The following FAM120B variants were observed in gnomAD, a reference collection of about 807,000 sequenced individuals.
The protein encoded by FAM120B is family with sequence similarity 120 member B, also known as constitutive coactivator of peroxisome proliferator-activated receptor gamma.
Under a neutral mutation model 96.3 loss-of-function variants are expected in FAM120B, and 83 were observed. That is an observed-to-expected ratio of 0.86 (90% CI 0.72 to 1.03). The LOEUF is 1.03. Among genes scored for constraint, FAM120B ranks in the 50% least tolerant of loss-of-function variants. The pLI is 0.00. For synonymous variants in FAM120B, 407 were observed against 402.7 expected, an observed-to-expected ratio of 1.01 and a Z score of -0.13; for missense variants, 1,027 against 1,121.2, an observed-to-expected ratio of 0.92 and a Z score of 1.20.
At chr6:170,390,813 C>T (rs147208292) in intron 7 of FAM120B, among the ~76,000 whole-genome samples, 200 bp from the exon 8 acceptor site, 31 of 152,210 alleles carry the variant, frequency 2.0e-4, no homozygotes, top group African/African-American at 6.7e-4. Flanking sequence ...AATATGTTCT[C>T]GAAGAACCTC....
chr6:170,306,998 G>A (rs763178375), intron 1 of FAM120B, among the ~76,000 whole-genome samples, 156 bp downstream of exon 1: 4 of 152,192 alleles, frequency 2.6e-5, no homozygotes, highest in Non-Finnish European at 5.9e-5. Context: ...TGTCACCGCG[G>A]CTGCGACATC....
intron 7 of FAM120B, among the ~76,000 whole-genome samples, chr6:170,389,683 C>T (rs1402082074): frequency 6.6e-6 from 1 of 152,106 alleles, no homozygotes; most frequent in Non-Finnish European, 1.5e-5. Flanking sequence ...CCTCAGCCTT[C>T]TGAGTAGCCA....
rs1554287949 is a variant in FAM120B, at chr6:170,368,823, G to GGT, written c.2283+10506_2283+10507insTG. Among the ~76,000 whole-genome samples the GGT allele has an allele frequency of 1.4e-4, 18 of 125,302 alleles. 1 individual carries two copies. Among genetic ancestry groups the GGT allele is most frequent in the African/African-American group, 2.4e-4 (8 of 33,338 alleles). 82.2% of individuals were successfully genotyped at this position (125,302 alleles called of 152,430 possible). A position where few individuals can be genotyped will look rare whatever the true frequency, so the allele number is the denominator to read the frequency against. The stretch of plus-strand genomic sequence containing the variant: ...CAGCTCTGCTGTCTGCCGGGGCTGG[G>GGT]GGGGGGGCTCCCTCCTGGCTTGCAG... On this transcript the variant is annotated intron_variant, in intron 6 of 10. Transcript: ENST00000476287.
chr6:170,355,142 A>G (rs1392132679), intron 5 of FAM120B, among the ~76,000 whole-genome samples: 1 of 152,058 alleles, frequency 6.6e-6, no homozygotes, highest in Non-Finnish European at 1.5e-5. Flanking sequence ...TAGTTCAACA[A>G]TTGTGGAAGA....
rs909857942 is a variant in FAM120B at position 170,295,495 on chromosome 6, G to A, written c.48+42G>A. 4.3e-6 allele frequency: 3 copies of A among 693,060 alleles called. No homozygotes were observed. Among genetic ancestry groups the A allele is most frequent in the Non-Finnish European group, 7.9e-6 (3 of 380,528 alleles). 42.9% of individuals were successfully genotyped at this position (693,060 alleles called of 1,614,324 possible). On this transcript the variant is annotated intron_variant, in intron 1 of 10. Coordinates refer to the FAM120B transcript ENST00000537664. This position sits in a 1 kb window ranked among gnomAD's most constrained non-coding sequence, Gnocchi z 7.8. ...TGCACACAAGGCGCGCGGCCCCCAG[G>A]CAGCCGCGCTTCCACAGCGGGCAGG...
At position 170,349,345 on chromosome 6, in the gene FAM120B, A is replaced by C. The variant is rs1787426279; in HGVS notation, c.2190+1022A>C. Reference sequence around the variant, plus strand: ...AGTGTTCACTTACCTGGAATAGACAATTATATAATTATTTTTTCAAACCTG... The same window carrying C: ...AGTGTTCACTTACCTGGAATAGACACTTATATAATTATTTTTTCAAACCTG... On this transcript the variant is annotated intron_variant, in intron 5 of 10. Coordinates refer to ENST00000476287, the MANE Select transcript of FAM120B (RefSeq NM_032448.3). Among the ~76,000 whole-genome samples, 9 of 152,316 alleles carry C rather than the reference A, an allele frequency of 5.9e-5. No individual in the cohort carries two copies. In the South Asian group the frequency reaches 1.7e-3, roughly 28 times the overall value.
intron 9 of FAM120B, among the ~76,000 whole-genome samples, chr6:170,396,187 A>C (rs953879800): frequency 2.6e-5 from 4 of 152,220 alleles, no homozygotes; most frequent in Non-Finnish European, 5.9e-5. Flanking sequence ...AATCCAAATC[A>C]GCCTTTGATT....
intron 4 of FAM120B, among the ~76,000 whole-genome samples, chr6:170,338,862 T>G (rs1383493301): frequency 6.6e-6 from 1 of 151,088 alleles, no homozygotes; most frequent in African/African-American, 2.4e-5. Flanking sequence ...TTTTTTTTTT[T>G]TTGCTTTCCA....
Position 170,395,539 on chromosome 6 carries a change from C to A in FAM120B, c.2652C>A (p.Ser884Arg), listed in dbSNP as rs374961243. Residue 884 changes from serine to arginine, a missense_variant, in exon 9 of 11, where the codon AGC becomes AGA. Coordinates refer to ENST00000476287, the MANE Select transcript of FAM120B (RefSeq NM_032448.3). ...ACCACAGGACGGGCTCTGGGTATAGCCGTTCCAGTCAGGGACAGCCGTGGA... is the reference window on the plus strand; with the variant it reads ...ACCACAGGACGGGCTCTGGGTATAGACGTTCCAGTCAGGGACAGCCGTGGA... Reference protein sequence around the residue: ...SSYHRTGSGYSRSSQGQPWRD... With the variant: ...SSYHRTGSGYRRSSQGQPWRD... The A allele has an allele frequency of 1.2e-6, 2 of 1,600,106 alleles. No individual in the cohort carries two copies. The highest frequency in any genetic ancestry group is 1.7e-6 in the Non-Finnish European group (2 of 1,173,482).
At chr6:170,397,294 T>A (rs1778226705) in intron 9 of FAM120B, among the ~76,000 whole-genome samples, 1 of 152,010 alleles carries the variant, frequency 6.6e-6, no homozygotes, top group Non-Finnish European at 1.5e-5. Context: ...GAGCTTATGT[T>A]CCCCCTCCAT....
rs182368408 is a variant in FAM120B at position 170,331,050 on chromosome 6, T to C, written c.2017+500T>C. On this transcript the variant is annotated intron_variant, in intron 4 of 10. Transcript: ENST00000476287. ...GTTATTTCCACTGGAAAAAAGGTTA[T>C]ATTTTCATGAGCAATATCTTAAAGC... is the stretch of plus-strand genomic sequence containing the variant. Among the ~76,000 whole-genome samples, 5 of 152,374 alleles carry C rather than the reference T, an allele frequency of 3.3e-5. No homozygotes were observed. The East Asian group carries it at 9.6e-4, about 29-fold the overall frequency.
intron 1 of FAM120B, among the ~76,000 whole-genome samples, chr6:170,299,070 T>A (rs1486803350): frequency 6.6e-6 from 1 of 152,252 alleles, no homozygotes; most frequent in African/African-American, 2.4e-5. Context: ...TGGGGAAGAC[T>A]TTCTTGCTTT....
intron 9 of FAM120B, among the ~76,000 whole-genome samples, chr6:170,397,431 G>A (rs902800837): frequency 1.3e-5 from 2 of 152,160 alleles, no homozygotes; most frequent in African/African-American, 4.8e-5. Flanking sequence ...AGATTTGGGG[G>A]CAGAGGGGCC....
intron 6 of FAM120B, among the ~76,000 whole-genome samples, chr6:170,379,636 T>C (rs895588119): frequency 2.0e-5 from 3 of 152,194 alleles, no homozygotes; most frequent in African/African-American, 7.2e-5. Context: ...AAAAAGGGGG[T>C]TAAATTACTG....
intron 6 of FAM120B, among the ~76,000 whole-genome samples, chr6:170,364,940 A>T (rs1788680452): frequency 6.6e-6 from 1 of 152,084 alleles, no homozygotes; most frequent in Admixed American, 6.6e-5. Flanking sequence ...CATATAGATG[A>T]CCATGGGATG....
upstream of FAM120B, among the ~76,000 whole-genome samples, chr6:170,293,964 G>A (rs144457489): frequency 9.9e-5 from 15 of 152,262 alleles, no homozygotes; most frequent in East Asian, 3.9e-4. Context: ...CATTGATTGG[G>A]AAGACAAGGG....
intron 8 of FAM120B, among the ~76,000 whole-genome samples, 182 bp from the exon 9 acceptor site, chr6:170,395,305 C>T (rs1482186581): frequency 2.0e-5 from 3 of 152,188 alleles, no homozygotes; most frequent in African/African-American, 7.2e-5. Context: ...TCTGTGACTC[C>T]ACTCCTGAGC....
At chr6:170,358,958 C>T (rs1788152078) in intron 6 of FAM120B, among the ~76,000 whole-genome samples, 1 of 152,218 alleles carries the variant, frequency 6.6e-6, no homozygotes, top group African/African-American at 2.4e-5. Flanking sequence ...GGTCAAGTCA[C>T]CTGTGGATGG....
intron 9 of FAM120B, among the ~76,000 whole-genome samples, chr6:170,403,689 G>A (rs1339196403): frequency 3.9e-5 from 6 of 152,162 alleles, no homozygotes; most frequent in South Asian, 2.1e-4. Flanking sequence ...CCGCTGGAAA[G>A]AGATGACGTG....
Sources: gnomAD v4.1 joint callset for allele counts (sites outside exome capture counted in the v4.1 genomes callset) on GRCh38, gnomAD v4.1.1 for gene constraint, Gnocchi (gnomAD v3.1) non-coding constraint, MANE v1.5 for transcripts, NCBI Gene and HGNC (gene_info 2026-07-23, HGNC 2026-07-21) for gene names.